The following UBE3D variants were observed in gnomAD, a reference collection of about 807,000 sequenced individuals.
The protein encoded by UBE3D is E3 ubiquitin-protein ligase E3D.
In UBE3D, 48 loss-of-function variants were observed where a neutral mutation model predicts 49.6. The ratio of observed to expected loss-of-function variants is 0.97; its 90% CI spans 0.77 to 1.23. The LOEUF (loss-of-function observed/expected upper bound fraction) is 1.23, where lower values mean the gene tolerates loss of function less well. Among genes scored for constraint, UBE3D ranks in the 50% most tolerant of loss-of-function variants. The pLI, the probability that UBE3D is intolerant of heterozygous loss-of-function variation, is 0.00. For synonymous variants in UBE3D, 189 were observed against 174.2 expected, an observed-to-expected ratio of 1.08 and a Z score of -0.67; for missense variants, 452 against 468.4, an observed-to-expected ratio of 0.96 and a Z score of 0.32.
intron 8 of UBE3D, among the ~76,000 whole-genome samples, chr6:82,974,503 G>A (rs987640348): frequency 2.0e-5 from 3 of 152,070 alleles, no homozygotes; most frequent in African/African-American, 4.8e-5. Flanking sequence ...TAAATGCTAT[G>A]TAAATAGTTG....
chr6:82,936,528 G>A (rs1774587772), intron 9 of UBE3D, among the ~76,000 whole-genome samples: 3 of 151,988 alleles, frequency 2.0e-5, no homozygotes, highest in African/African-American at 7.3e-5. Context: ...ACTGCATTCA[G>A]TTCTAAAGAG....
chr6:82,918,288 A>G (rs907746121), intron 9 of UBE3D, among the ~76,000 whole-genome samples: 1 of 106,296 alleles, frequency 9.4e-6, no homozygotes, highest in Non-Finnish European at 2.4e-5. Flanking sequence ...CAACAACAAC[A>G]ACAAAAAAAA....
At chr6:82,923,568 G>A (rs1242488697) in intron 9 of UBE3D, among the ~76,000 whole-genome samples, 2 of 152,182 alleles carry the variant, frequency 1.3e-5, no homozygotes, top group African/African-American at 4.8e-5. Context: ...GCCCTGTGGG[G>A]GTGGGGGGCT....
At chr6:82,968,778 T>G (rs1186916066) in intron 8 of UBE3D, among the ~76,000 whole-genome samples, 3 of 152,214 alleles carry the variant, frequency 2.0e-5, no homozygotes, top group African/African-American at 7.2e-5. Flanking sequence ...TATATTTGCT[T>G]AATTCTAGTG....
chr6:83,047,717 G>T (rs1041951508), intron 3 of UBE3D, among the ~76,000 whole-genome samples: 2 of 151,980 alleles, frequency 1.3e-5, no homozygotes, highest in Non-Finnish European at 2.9e-5. Flanking sequence ...TTTAATGCTC[G>T]CAACAACTTT....
At chr6:82,980,263 C>T (rs1000869133) in intron 8 of UBE3D, among the ~76,000 whole-genome samples, 6 of 151,786 alleles carry the variant, frequency 4.0e-5, no homozygotes, top group African/African-American at 9.7e-5. Flanking sequence ...TTTTTTTTGA[C>T]GTTTTAATAG....
chr6:82,995,305 G>T (rs1265037065), intron 8 of UBE3D, among the ~76,000 whole-genome samples: 2 of 152,102 alleles, frequency 1.3e-5, no homozygotes, highest in Admixed American at 1.3e-4. Context: ...TGCGGTAAAA[G>T]CATATGTGGA....
intron 8 of UBE3D, among the ~76,000 whole-genome samples, chr6:82,980,699 A>G (rs1464532890): frequency 6.6e-6 from 1 of 151,984 alleles, no homozygotes; most frequent in African/African-American, 2.4e-5. Context: ...ATATTTTTAT[A>G]GTTTTAGGTC....
chr6:82,957,624 T>A (rs1042978753), intron 8 of UBE3D, among the ~76,000 whole-genome samples, 174 bp from the exon 9 acceptor site: 106 of 152,322 alleles, frequency 7.0e-4, no homozygotes, highest in African/African-American at 2.4e-3. Flanking sequence ...ATGGTGTTGT[T>A]GATATAAAGC....
chr6:82,978,189 T>TG (rs1777866323), intron 8 of UBE3D, among the ~76,000 whole-genome samples: 1 of 151,968 alleles, frequency 6.6e-6, no homozygotes, highest in Admixed American at 6.6e-5. Flanking sequence ...GACACTGGAG[T>TG]GCTCAGTGAA....
chr6:83,014,395 C>T (rs1344882849), intron 8 of UBE3D, among the ~76,000 whole-genome samples: 2 of 152,150 alleles, frequency 1.3e-5, no homozygotes, highest in Non-Finnish European at 2.9e-5. Flanking sequence ...TGACCCTTGC[C>T]CTACAGTCAG....
At chr6:82,918,634 C>T (rs1008749699) in intron 9 of UBE3D, among the ~76,000 whole-genome samples, 17 of 152,034 alleles carry the variant, frequency 1.1e-4, no homozygotes, top group East Asian at 5.8e-4. Flanking sequence ...GATTTGAAAC[C>T]GGCCCAAATG....
downstream of UBE3D, among the ~76,000 whole-genome samples, chr6:82,891,279 G>C (rs752627857): frequency 4.6e-5 from 7 of 152,226 alleles, no homozygotes; most frequent in Non-Finnish European, 5.9e-5. Context: ...AGGGGGCTGT[G>C]CTAATGGAAT....
chr6:82,913,414 C>A (rs187714570), intron 9 of UBE3D, among the ~76,000 whole-genome samples: 1 of 152,328 alleles, frequency 6.6e-6, no homozygotes, highest in Admixed American at 6.5e-5. Context: ...CTGAGGATAA[C>A]TAGGTTGTAA....
At chr6:83,011,866 T>C (rs1780359496) in intron 8 of UBE3D, among the ~76,000 whole-genome samples, 1 of 152,076 alleles carries the variant, frequency 6.6e-6, no homozygotes, top group South Asian at 2.1e-4. Context: ...CACTTCCACT[T>C]CCACCCCTCA....
At chr6:82,972,079 T>C (rs992090419) in intron 8 of UBE3D, among the ~76,000 whole-genome samples, 3 of 152,192 alleles carry the variant, frequency 2.0e-5, no homozygotes, top group African/African-American at 7.2e-5. Context: ...CAGAGCTCTC[T>C]CAGCCCATGC....
chr6:83,009,907 T>C (rs901969215), intron 8 of UBE3D, among the ~76,000 whole-genome samples: 4 of 151,702 alleles, frequency 2.6e-5, no homozygotes, highest in Middle Eastern at 3.4e-3. Context: ...TACCCTATTT[T>C]TTTAAGGAAG....
intron 9 of UBE3D, among the ~76,000 whole-genome samples, chr6:82,955,964 C>A (rs1020546186): frequency 2.0e-5 from 3 of 152,146 alleles, no homozygotes; most frequent in African/African-American, 7.2e-5. Flanking sequence ...ATGCTAAGAC[C>A]AAAGACTGTA....
At chr6:82,941,095 A>C (rs1774976483) in intron 9 of UBE3D, among the ~76,000 whole-genome samples, 1 of 152,078 alleles carries the variant, frequency 6.6e-6, no homozygotes, top group African/African-American at 2.4e-5. Flanking sequence ...AATCTCAGCT[A>C]CTTAGGAGGC....
Sources: gnomAD v4.1 joint callset for allele counts (sites outside exome capture counted in the v4.1 genomes callset) on GRCh38, gnomAD v4.1.1 for gene constraint, MANE v1.5 for transcripts, NCBI Gene and HGNC (gene_info 2026-07-23, HGNC 2026-07-21) for gene names.